The following SGCD variants were observed in gnomAD, a reference collection of about 807,000 sequenced individuals.
The protein encoded by SGCD is sarcoglycan delta.
Under a neutral mutation model 36.6 loss-of-function variants are expected in SGCD, and 18 were observed. That is an observed-to-expected ratio of 0.49 (90% CI 0.34 to 0.73). SGCD has a LOEUF of 0.73. SGCD is among the 30% of genes least tolerant of loss of function. SGCD has a pLI of 0.01. For missense variants in SGCD, 387 were observed against 346.7 expected (o/e 1.12, Z -0.92); for synonymous variants, 133 against 130.6 (o/e 1.02, Z -0.12).
chr5:156,200,277 G>A (rs1215456271), intron 3 of SGCD, among the ~76,000 whole-genome samples: 1 of 152,022 alleles, frequency 6.6e-6, no homozygotes, highest in Non-Finnish European at 1.5e-5. Context: ...CTGCAAAACA[G>A]CAGTAATCAA....
Position 156,683,060 on chromosome 5 carries a change from T to C in SGCD, c.575+35524T>C, listed in dbSNP as rs577683274. ...GAAGGGAAAGGCATGATTTCACTAA[T>C]GTTTCTCTGACAGAATGGAGTGGGG... On this transcript the variant is annotated intron_variant, in intron 7 of 8. Coordinates refer to ENST00000337851, the MANE Select transcript of SGCD (RefSeq NM_000337.6). Among the ~76,000 whole-genome samples, 4 of 152,350 alleles carry C rather than the reference T, an allele frequency of 2.6e-5. No individual in the cohort carries two copies. In the East Asian group the frequency reaches 7.7e-4, roughly 29 times the overall value.
intron 7 of SGCD, among the ~76,000 whole-genome samples, chr5:156,733,957 C>T (rs1334310227): frequency 6.6e-6 from 1 of 151,806 alleles, no homozygotes; most frequent in Non-Finnish European, 1.5e-5. Flanking sequence ...ATTTGATCCT[C>T]TCATCATGAT....
At chr5:156,108,072 T>C (rs1047896608) in intron 1 of SGCD, among the ~76,000 whole-genome samples, 2 of 152,106 alleles carry the variant, frequency 1.3e-5, no homozygotes, top group Admixed American at 6.5e-5. Context: ...ATTTGACGAG[T>C]TGGTATATTG....
At chr5:156,354,105 G>C (rs1191230246) in intron 3 of SGCD, among the ~76,000 whole-genome samples, 4 of 152,138 alleles carry the variant, frequency 2.6e-5, no homozygotes, top group African/African-American at 4.8e-5. Flanking sequence ...TAATTTACTA[G>C]GGAAGAAAAC....
intron 1 of SGCD, among the ~76,000 whole-genome samples, chr5:156,090,594 C>T (rs1761215915): frequency 6.6e-6 from 1 of 152,202 alleles, no homozygotes; most frequent in South Asian, 2.1e-4. Flanking sequence ...CACACATTGT[C>T]TTGATAAACA....
intron 3 of SGCD, among the ~76,000 whole-genome samples, chr5:156,304,974 G>A (rs1386772349): frequency 3.3e-5 from 5 of 152,190 alleles, no homozygotes; most frequent in Non-Finnish European, 7.3e-5. Context: ...TTTCTAAGCA[G>A]CAAAGCATTC....
chr5:156,180,607 A>T (rs1183983009), intron 3 of SGCD, among the ~76,000 whole-genome samples: 6 of 152,226 alleles, frequency 3.9e-5, no homozygotes, highest in Non-Finnish European at 8.8e-5. Context: ...CCCTCCAAAG[A>T]TTCACTGAAA....
At chr5:156,655,252 G>A (rs575702988) in intron 7 of SGCD, among the ~76,000 whole-genome samples, 82 of 152,046 alleles carry the variant, frequency 5.4e-4, no homozygotes, top group Non-Finnish European at 1.0e-3. Context: ...ATTTCAAAAC[G>A]CTTCTCCATT....
rs546995950 is a variant in SGCD, at chr5:155,990,196, G to C, written c.-282+119772G>C. ...AGGATTCACTGTTTTTTAAACTAAA[G>C]GTTCTGAGCAGCTCTGAGATAGTGT... On this transcript the variant is annotated intron_variant, in intron 1 of 9. Coordinates refer to the SGCD transcript ENST00000517913. Among the ~76,000 whole-genome samples, 11 of 152,214 alleles carry C rather than the reference G, an allele frequency of 7.2e-5. No individual in the cohort carries two copies. In the South Asian group the frequency reaches 2.3e-3, roughly 32 times the overall value.
chr5:156,296,120 C>G (rs1766887718), intron 3 of SGCD, among the ~76,000 whole-genome samples: 1 of 152,156 alleles, frequency 6.6e-6, no homozygotes, highest in Non-Finnish European at 1.5e-5. Context: ...CAAGCAGGCA[C>G]AAGTTCTGTG....
intron 3 of SGCD, among the ~76,000 whole-genome samples, chr5:156,254,614 T>G (rs752775169): frequency 1.3e-4 from 20 of 152,190 alleles, no homozygotes; most frequent in Non-Finnish European, 2.5e-4. Context: ...TTTGAGAGGC[T>G]GAGGTGGGAG....
At chr5:156,399,259 C>T (rs536309659) in intron 3 of SGCD, among the ~76,000 whole-genome samples, 112 of 152,284 alleles carry the variant, frequency 7.4e-4, no homozygotes, top group Non-Finnish European at 1.4e-3. Context: ...TCAAAGAGCT[C>T]ATTGTTATAG....
chr5:156,620,477 C>T (rs367906879), intron 6 of SGCD, among the ~76,000 whole-genome samples: 4 of 152,126 alleles, frequency 2.6e-5, no homozygotes, highest in South Asian at 2.1e-4. Context: ...ACAAAATATA[C>T]GATAGAACTT....
chr5:155,755,097 G>A, the SGCD span, among the ~76,000 whole-genome samples: 5 of 152,240 alleles, frequency 3.3e-5, no homozygotes, highest in African/African-American at 1.2e-4. Flanking sequence ...AAGAGGCCCT[G>A]ATGCTACATT....
In SGCD at chr5:156,101,937, TGTGTGAGAGA is replaced by T. The variant is rs1441854210; in HGVS notation, c.-281-15939_-281-15930del. On this transcript the variant is annotated intron_variant, in intron 1 of 9. Coordinates refer to the SGCD transcript ENST00000517913. ...GTGTGTGTGTGTGTGTGTGTGTGTG[TGTGTGAGAGA>T]GAGAGAGAGAGAGAGAGAGAGAAGC... is the stretch of plus-strand genomic sequence containing the variant. Among the ~76,000 whole-genome samples, 99 of 149,834 alleles carry T rather than the reference TGTGTGAGAGA, an allele frequency of 6.6e-4. 1 individual carries two copies. The highest frequency in any genetic ancestry group is 2.3e-3 in the African/African-American group (94 of 40,434).
At chr5:156,562,958 T>C (rs1178923945) in intron 4 of SGCD, among the ~76,000 whole-genome samples, 1 of 151,946 alleles carries the variant, frequency 6.6e-6, no homozygotes, top group Non-Finnish European at 1.5e-5. Context: ...TTAACAAGTA[T>C]ATAGTGATGA....
intron 3 of SGCD, among the ~76,000 whole-genome samples, chr5:156,126,762 A>G (rs773108749): frequency 6.6e-5 from 10 of 152,360 alleles, no homozygotes; most frequent in African/African-American, 1.9e-4. Context: ...CAAAGTTCCA[A>G]TAAAGCTCCT....
At chr5:156,364,315 A>G (rs1769971653) in intron 3 of SGCD, among the ~76,000 whole-genome samples, 1 of 152,162 alleles carries the variant, frequency 6.6e-6, no homozygotes, top group Non-Finnish European at 1.5e-5. Flanking sequence ...TTATAGAATC[A>G]ATTCAAAAGG....
At chr5:156,351,603 GTCATCATCATCA>G (rs141077881) in intron 3 of SGCD, among the ~76,000 whole-genome samples, 31 of 149,208 alleles carry the variant, frequency 2.1e-4, no homozygotes, top group South Asian at 8.6e-4. Context: ...TATCGTCGTA[GTCATCATCATCA>G]TCATCATCAT....
Sources: gnomAD v4.1 joint callset for allele counts (sites outside exome capture counted in the v4.1 genomes callset) on GRCh38, gnomAD v4.1.1 for gene constraint, MANE v1.5 for transcripts, NCBI Gene and HGNC (gene_info 2026-07-23, HGNC 2026-07-21) for gene names.